The following ATXN8OS variants were observed in gnomAD, a reference collection of about 807,000 sequenced individuals.
ATXN8OS encodes the protein ATXN8 opposite strand (non-protein coding).
intron 2 of ATXN8OS, among the ~76,000 whole-genome samples, chr13:70,128,102 G>C (rs575983937): frequency 2.6e-5 from 4 of 151,880 alleles, no homozygotes; most frequent in Non-Finnish European, 5.9e-5. Flanking sequence ...TTTATAGAAG[G>C]TTTACATTAA....
At chr13:70,130,377 T>C (rs1888514103) in intron 3 of ATXN8OS, among the ~76,000 whole-genome samples, 1 of 152,188 alleles carries the variant, frequency 6.6e-6, no homozygotes, top group South Asian at 2.1e-4. Flanking sequence ...ATTCACGTTT[T>C]GTAGAAATGA....
At chr13:70,169,290 C>T (rs966685573) in intron 4 of ATXN8OS, among the ~76,000 whole-genome samples, 4 of 152,058 alleles carry the variant, frequency 2.6e-5, no homozygotes, top group South Asian at 2.1e-4. Flanking sequence ...TAGAAGAAAA[C>T]GTTTAATCTT....
intron 3 of ATXN8OS, among the ~76,000 whole-genome samples, chr13:70,137,097 T>C (rs73520689): frequency 0.01 from 1,556 of 152,308 alleles, 28 homozygotes; most frequent in African/African-American, 0.035. Flanking sequence ...ACTTGTTCTT[T>C]GAAATTTAGA....
intron 4 of ATXN8OS, among the ~76,000 whole-genome samples, chr13:70,162,157 G>T (rs1466824647): frequency 6.6e-6 from 1 of 152,068 alleles, no homozygotes; most frequent in African/African-American, 2.4e-5. Flanking sequence ...CCTCTAATAA[G>T]TACATACGCT....
intron 2 of ATXN8OS, among the ~76,000 whole-genome samples, chr13:70,123,229 A>G (rs1015134494): frequency 6.6e-6 from 1 of 152,096 alleles, no homozygotes; most frequent in Non-Finnish European, 1.5e-5. Context: ...ACTGATGCCC[A>G]TAAGTTGTAA....
At chr13:70,120,769 T>C (rs1888348815) in intron 2 of ATXN8OS, among the ~76,000 whole-genome samples, 1 of 152,060 alleles carries the variant, frequency 6.6e-6, no homozygotes, top group African/African-American at 2.4e-5. Flanking sequence ...ATGTCCTTTG[T>C]AGGGACATGG....
chr13:70,130,316 A>T (rs913713536), intron 3 of ATXN8OS, among the ~76,000 whole-genome samples: 9 of 152,160 alleles, frequency 5.9e-5, no homozygotes, highest in Admixed American at 5.9e-4. Flanking sequence ...CTCAACCATG[A>T]CTTTAAAATT....
Position 70,109,585 on chromosome 13 carries a change from A to G in ATXN8OS, n.240+1566A>G, listed in dbSNP as rs1179000970. ...TTAAGTGCACAAAAGACCTATTTTT[A>G]GGGGAATAAAAATCACTATAGTGCT... On this transcript the variant is annotated intron_variant and non_coding_transcript_variant, in intron 1 of 4. Coordinates refer to ENST00000678624, the Ensembl canonical transcript of ATXN8OS. Among the ~76,000 whole-genome samples the G allele has an allele frequency of 2.6e-5, 4 of 152,334 alleles. No homozygotes were observed. In the East Asian group the frequency reaches 7.7e-4, roughly 29 times the overall value.
intron 1 of ATXN8OS, among the ~76,000 whole-genome samples, chr13:70,111,717 C>T (rs1888200676): frequency 6.6e-6 from 1 of 152,108 alleles, no homozygotes; most frequent in South Asian, 2.1e-4. Flanking sequence ...TAAACAAGCA[C>T]AATTAAATGT....
At chr13:70,150,603 C>T (rs1336593589) in intron 4 of ATXN8OS, among the ~76,000 whole-genome samples, 1 of 152,056 alleles carries the variant, frequency 6.6e-6, no homozygotes, top group Non-Finnish European at 1.5e-5. Flanking sequence ...GACATTCCTT[C>T]TCTCTAGATT....
At chr13:70,126,278 G>A (rs750346314) in intron 2 of ATXN8OS, among the ~76,000 whole-genome samples, 1 of 152,046 alleles carries the variant, frequency 6.6e-6, no homozygotes, top group Non-Finnish European at 1.5e-5. Flanking sequence ...AAAGATACAA[G>A]TTTCATAAAT....
intron 3 of ATXN8OS, among the ~76,000 whole-genome samples, chr13:70,144,898 G>A (rs1434581397): frequency 6.6e-6 from 1 of 151,944 alleles, no homozygotes; most frequent in Non-Finnish European, 1.5e-5. Flanking sequence ...TTTTTGGCTA[G>A]GTAGATTTGT....
chr13:70,112,376 T>A (rs888566543), intron 1 of ATXN8OS, among the ~76,000 whole-genome samples: 2 of 152,180 alleles, frequency 1.3e-5, no homozygotes, highest in African/African-American at 4.8e-5. Context: ...GAACTTTTAA[T>A]GTATACATTA....
At chr13:70,133,991 C>T (rs552721604) in intron 3 of ATXN8OS, among the ~76,000 whole-genome samples, 13 of 152,288 alleles carry the variant, frequency 8.5e-5, no homozygotes, top group Admixed American at 6.5e-4. Context: ...TAGTAAATTC[C>T]TTTGCCATTC....
exon 5 of ATXN8OS, among the ~76,000 whole-genome samples, chr13:70,170,089 T>C (rs759536054): frequency 1.3e-5 from 2 of 152,134 alleles, no homozygotes; most frequent in Non-Finnish European, 2.9e-5. Context: ...TTTTTACAGG[T>C]GTCCTGCCTT....
intron 4 of ATXN8OS, among the ~76,000 whole-genome samples, chr13:70,165,186 C>T (rs973322393): frequency 8.6e-5 from 13 of 151,428 alleles, no homozygotes; most frequent in African/African-American, 2.4e-4. Context: ...ATCAGGAAAA[C>T]GAAAGCATAT....
At chr13:70,107,872 C>T (rs1405954994) in exon 1 of ATXN8OS, 4 of 560,750 alleles carry the variant, frequency 7.1e-6, no homozygotes, top group African/African-American at 1.9e-5. Context: ...AAGGCTGGAG[C>T]GCAGACGGCA....
In ATXN8OS at chr13:70,139,351, T is replaced by TTACTACTACTACTACTAC. The variant is rs375568204; in HGVS notation, n.500-7987_500-7970dup. The TTACTACTACTACTACTAC allele has an allele frequency of 3.2e-4, 177 of 548,264 alleles. 1 individual carries two copies. Among genetic ancestry groups the TTACTACTACTACTACTAC allele is most frequent in the African/African-American group, 7.2e-4 (36 of 49,846 alleles). 34.0% of individuals were successfully genotyped at this position (548,264 alleles called of 1,614,324 possible). On this transcript the variant is annotated intron_variant and non_coding_transcript_variant, in intron 3 of 4. Transcript: ENST00000678624. The stretch of plus-strand genomic sequence containing the variant: ...GTCCTTCATGTTAGAAAACCTGGCT[T>TTACTACTACTACTACTAC]TACTACTACTACTACTACTACTACT...
At position 70,133,099 on chromosome 13, in the gene ATXN8OS, G is replaced by C. The variant is rs1270352381; in HGVS notation, n.499+3215G>C. ...ATAGAGCTAGGAGAGGCAGTTTATG[G>C]CTGTATCAGAAATAGGATGAAGGTG... On this transcript the variant is annotated intron_variant and non_coding_transcript_variant, in intron 3 of 4. Transcript: ENST00000678624. 2.0e-5 allele frequency among the ~76,000 whole-genome samples: 3 copies of C among 152,132 alleles called. No individual in the cohort carries two copies. The East Asian group carries it at 5.8e-4, about 29-fold the overall frequency.
Sources: allele counts gnomAD v4.1 joint callset (sites outside exome capture counted in the v4.1 genomes callset), GRCh38; gene constraint gnomAD v4.1.1; transcripts MANE v1.5; gene names NCBI Gene and HGNC (gene_info 2026-07-23, HGNC 2026-07-21).